The following EFCAB11 variants were observed in gnomAD, a reference collection of about 807,000 sequenced individuals.
EFCAB11 encodes EF-hand calcium-binding domain-containing protein 11.
Under a neutral mutation model 23.0 loss-of-function variants are expected in EFCAB11, and 14 were observed. The observed-to-expected ratio is 0.61, with a 90% CI of 0.40 to 0.95. The LOEUF (loss-of-function observed/expected upper bound fraction) is 0.95. EFCAB11 is among the 40% of genes least tolerant of loss of function. The pLI is 0.00. For synonymous variants in EFCAB11, 65 were observed against 66.6 expected (o/e 0.98, Z 0.11); for missense variants, 198 against 195.8 (o/e 1.01, Z -0.07).
intron 5 of EFCAB11, among the ~76,000 whole-genome samples, chr14:89,881,469 T>TATATATATATATATATATATA (rs1566795113): frequency 2.2e-4 from 2 of 9,008 alleles, no homozygotes; most frequent in African/African-American, 7.6e-4. Flanking sequence ...ATATATATTC[T>TATATATATATATATATATATA]TTTTTTTTTT....
At chr14:89,889,908 C>T (rs10133146) in intron 5 of EFCAB11, among the ~76,000 whole-genome samples, 3,847 of 152,304 alleles carry the variant, frequency 0.025, 199 homozygotes, top group African/African-American at 0.087. Flanking sequence ...GTACCCTTCC[C>T]GTGTGCTGGT....
intron 5 of EFCAB11, among the ~76,000 whole-genome samples, chr14:89,847,468 G>A (rs747102488): frequency 2.0e-5 from 3 of 152,122 alleles, no homozygotes; most frequent in East Asian, 1.9e-4. Flanking sequence ...GACTGGGTGC[G>A]GTGGGTCATG....
intron 5 of EFCAB11, among the ~76,000 whole-genome samples, chr14:89,863,263 T>C (rs1002830435): frequency 1.3e-5 from 2 of 152,242 alleles, no homozygotes; most frequent in Non-Finnish European, 2.9e-5. Flanking sequence ...GCCAACTTGA[T>C]GATAGTCAGA....
chr14:89,847,028 A>T (rs1475279064), intron 5 of EFCAB11, among the ~76,000 whole-genome samples: 3 of 152,194 alleles, frequency 2.0e-5, no homozygotes. Context: ...CTTATTTAGC[A>T]CCTCATTCTT....
intron 5 of EFCAB11, among the ~76,000 whole-genome samples, chr14:89,845,879 A>G (rs1887416405): frequency 6.6e-6 from 1 of 152,134 alleles, no homozygotes; most frequent in Non-Finnish European, 1.5e-5. Context: ...TTCCTTCACA[A>G]ACAGGAATAC....
intron 5 of EFCAB11, among the ~76,000 whole-genome samples, chr14:89,921,302 G>A (rs1188820316): frequency 6.6e-6 from 1 of 152,154 alleles, no homozygotes; most frequent in Non-Finnish European, 1.5e-5. Context: ...AGCCATTTCT[G>A]TCTATATGGC....
chr14:89,894,055 C>G (rs896761002), intron 5 of EFCAB11, among the ~76,000 whole-genome samples: 1 of 151,986 alleles, frequency 6.6e-6, no homozygotes, highest in African/African-American at 2.4e-5. Flanking sequence ...TCTCGGCTCA[C>G]TGCAAGCTCC....
intron 5 of EFCAB11, among the ~76,000 whole-genome samples, chr14:89,876,837 A>G (rs563093600): frequency 3.3e-5 from 5 of 152,302 alleles, no homozygotes; most frequent in African/African-American, 7.2e-5. Flanking sequence ...TAGAAGCCCA[A>G]CCAACACTGA....
intron 5 of EFCAB11, among the ~76,000 whole-genome samples, chr14:89,884,404 C>T (rs1404224795): frequency 2.0e-5 from 3 of 151,998 alleles, no homozygotes; most frequent in African/African-American, 7.3e-5. Context: ...TATTTATCCC[C>T]TAAAAACATA....
intron 3 of EFCAB11, among the ~76,000 whole-genome samples, chr14:89,941,148 G>A (rs1890778005): frequency 6.6e-6 from 1 of 152,158 alleles, no homozygotes; most frequent in Admixed American, 6.5e-5. Flanking sequence ...AACTATCCCA[G>A]GGCAGGAGGA....
intron 5 of EFCAB11, among the ~76,000 whole-genome samples, chr14:89,886,095 G>A (rs1378707045): frequency 1.3e-5 from 2 of 152,176 alleles, no homozygotes; most frequent in Non-Finnish European, 2.9e-5. Flanking sequence ...GAGAGTCAAG[G>A]GAAGAGTTAA....
At chr14:89,933,836 C>A (rs925216103) in intron 3 of EFCAB11, among the ~76,000 whole-genome samples, 4 of 152,190 alleles carry the variant, frequency 2.6e-5, no homozygotes, top group African/African-American at 9.7e-5. Flanking sequence ...TCACAGGAAT[C>A]CTCATGTCAA....
chr14:89,921,665 A>C (rs1335330264), intron 5 of EFCAB11, among the ~76,000 whole-genome samples: 3 of 152,174 alleles, frequency 2.0e-5, no homozygotes, highest in Non-Finnish European at 4.4e-5. Context: ...ATGGGGTAGG[A>C]GGTAGGCAGA....
chr14:89,917,086 GTGTGTGTGTGTA>G (rs879399885), intron 5 of EFCAB11, among the ~76,000 whole-genome samples: 2,456 of 131,254 alleles, frequency 0.019, 30 homozygotes, highest in Middle Eastern at 0.044. Flanking sequence ...GTGTGTGTGT[GTGTGTGTGTGTA>G]TGTGTGTGTT....
intron 5 of EFCAB11, among the ~76,000 whole-genome samples, chr14:89,898,666 C>CTT (rs36098790): frequency 0.051 from 6,199 of 120,938 alleles, 304 homozygotes; most frequent in African/African-American, 0.12. Flanking sequence ...CGCCTGGCCT[C>CTT]TTTTTTTTTT....
chr14:89,854,131 C>T (rs1158058689), intron 5 of EFCAB11, among the ~76,000 whole-genome samples: 1 of 151,484 alleles, frequency 6.6e-6, no homozygotes, highest in Non-Finnish European at 1.5e-5. Flanking sequence ...ATGGAAAAAG[C>T]CAAACTATGG....
At chr14:89,816,035 T>G (rs781312617) in intron 5 of EFCAB11, among the ~76,000 whole-genome samples, 2 of 152,246 alleles carry the variant, frequency 1.3e-5, no homozygotes, top group Non-Finnish European at 2.9e-5. Flanking sequence ...GTATCTATTT[T>G]TTGTGTGTCC....
chr14:89,845,176 A>C (rs966555757), intron 5 of EFCAB11, among the ~76,000 whole-genome samples: 2 of 152,218 alleles, frequency 1.3e-5, no homozygotes, highest in African/African-American at 4.8e-5. Context: ...ACAGTTTTTA[A>C]AATATGTGCT....
chr14:89,837,279 G>A, intron 5 of EFCAB11: 1 of 350,666 alleles, frequency 2.9e-6, no homozygotes, highest in South Asian at 2.2e-5. Context: ...CATTACCTGG[G>A]CTCCCTTCCA....
Sources: gnomAD v4.1 joint callset for allele counts (sites outside exome capture counted in the v4.1 genomes callset) on GRCh38, gnomAD v4.1.1 for gene constraint, MANE v1.5 for transcripts, NCBI Gene and HGNC (gene_info 2026-07-23, HGNC 2026-07-21) for gene names.